The following NCKAP1 variants were observed in gnomAD, a reference collection of about 807,000 sequenced individuals.
NCKAP1 encodes nck-associated protein 1.
NCKAP1 carries 21 observed loss-of-function variants against 151.2 expected under a neutral mutation model. The ratio of observed to expected loss-of-function variants is 0.14; its 90% CI spans 0.10 to 0.20. The LOEUF is 0.20. Ranked by LOEUF, NCKAP1 falls within the 10% of genes least tolerant of loss-of-function variation. The pLI, the probability that NCKAP1 is intolerant of heterozygous loss-of-function variation, is 1.00. For missense variants in NCKAP1, 933 were observed against 1,352.1 expected (o/e 0.69, Z 4.86); for synonymous variants, 484 against 451.8 (o/e 1.07, Z -0.90).
intron 23 of NCKAP1, among the ~76,000 whole-genome samples, chr2:182,949,014 G>A (rs553733193): frequency 3.9e-5 from 6 of 152,276 alleles, no homozygotes; most frequent in South Asian, 2.1e-4. Context: ...TATTCCACAC[G>A]AGGAAGAGAA....
intron 15 of NCKAP1, among the ~76,000 whole-genome samples, chr2:182,972,224 CAA>C (rs56834438): frequency 0.11 from 7,459 of 68,238 alleles, 173 homozygotes; most frequent in African/African-American, 0.14. Context: ...AGCTTAATAG[CAA>C]AAAAAAAAAA....
At chr2:182,954,752 C>T (rs1697289659) in intron 20 of NCKAP1, among the ~76,000 whole-genome samples, 1 of 151,960 alleles carries the variant, frequency 6.6e-6, no homozygotes, top group Non-Finnish European at 1.5e-5. Flanking sequence ...TGCCACTGCA[C>T]TCCAGCCTGG....
chr2:183,001,051 C>G (rs1698364854), intron 6 of NCKAP1, among the ~76,000 whole-genome samples: 1 of 152,224 alleles, frequency 6.6e-6, no homozygotes, highest in Non-Finnish European at 1.5e-5. Context: ...TGAGATTGCA[C>G]CACTGCATTC....
chr2:182,936,004 C>A (rs2105805475), intron 24 of NCKAP1, among the ~76,000 whole-genome samples: 1 of 152,136 alleles, frequency 6.6e-6, no homozygotes, highest in African/African-American at 2.4e-5. Context: ...CATCTGTAAT[C>A]CTAGCATTCT....
intron 12 of NCKAP1, 75 bp from the exon 13 acceptor site, chr2:182,981,451 T>C: frequency 8.6e-7 from 1 of 1,163,218 alleles, no homozygotes; most frequent in Non-Finnish European, 1.2e-6. Flanking sequence ...ATGCCCTTAA[T>C]CTTATTTCTA....
rs759306742 is a variant in NCKAP1, at chr2:182,983,360, G to A, written c.1027C>T (p.Arg343Cys). ...TTCAGTGCAGATCTTAAAAACTTGCGTCTTTCTCTGTGCATTGAACCACTA... is the reference window on the plus strand; with the variant it reads ...TTCAGTGCAGATCTTAAAAACTTGCATCTTTCTCTGTGCATTGAACCACTA... ...SHAGSMHRER[R>C]KFLRSALKEL... Residue 343 changes from arginine to cysteine, a missense_variant, in exon 11 of 31, where the codon CGC becomes TGC. Around this residue, in one of 2 missense-constraint regions of NCKAP1, gnomAD observed 607 missense variants for 795.0 expected, o/e 0.76. Transcript: ENST00000361354. 13 of 1,612,354 alleles carry A rather than the reference G, an allele frequency of 8.1e-6. No homozygotes were observed. Among genetic ancestry groups the A allele is most frequent in the Admixed American group, 1.7e-5 (1 of 59,966 alleles).
intron 15 of NCKAP1, among the ~76,000 whole-genome samples, chr2:182,968,264 C>T (rs1478336793): frequency 1.3e-5 from 2 of 152,054 alleles, no homozygotes; most frequent in South Asian, 4.2e-4. Flanking sequence ...TATTAGAAGG[C>T]AGTAGTGGCA....
intron 8 of NCKAP1, 77 bp downstream of exon 8, chr2:182,994,762 G>A: frequency 8.5e-7 from 1 of 1,181,232 alleles, no homozygotes; most frequent in Non-Finnish European, 1.3e-6. Context: ...CACAGAGGTA[G>A]TAACCATGTC....
chr2:182,952,968 C>A (rs1454320701), intron 21 of NCKAP1, 45 bp from the exon 22 acceptor site: 2 of 1,569,800 alleles, frequency 1.3e-6, no homozygotes, highest in Admixed American at 1.9e-5. Context: ...CTGCTTAATT[C>A]AGAATGTATC....
At chr2:183,029,812 C>A (rs1698970660) in intron 1 of NCKAP1, among the ~76,000 whole-genome samples, 1 of 135,346 alleles carries the variant, frequency 7.4e-6, no homozygotes, top group African/African-American at 2.8e-5. Flanking sequence ...AAGAGTGAGA[C>A]CCTGACTCGA....
intron 1 of NCKAP1, among the ~76,000 whole-genome samples, chr2:183,035,180 A>T (rs1284091201): frequency 6.6e-6 from 1 of 152,112 alleles, no homozygotes; most frequent in African/African-American, 2.4e-5. Flanking sequence ...TTTTCCCTAA[A>T]ATCCGCTTTT....
rs1431150750 is a variant in NCKAP1 at position 182,915,354 on chromosome 2, T to C, written c.*10348A>G. 1.3e-5 allele frequency: 2 copies of C among 152,218 alleles called. No individual in the cohort carries two copies. The highest frequency in any genetic ancestry group is 4.8e-5 in the African/African-American group (2 of 41,436). The allele number at this position is 152,218 out of a possible 1,614,324, so 9.4% of individuals were successfully genotyped here. On this transcript the variant is annotated 3_prime_UTR_variant, in exon 31 of 31. Transcript: ENST00000361354. ...GAATAGTTGAGAGTTGAGTGATCTA[T>C]CCTTCAAACTACAGGCATGATATTC...
intron 3 of NCKAP1, 98 bp from the exon 4 acceptor site, chr2:183,003,128 A>C: frequency 7.6e-7 from 1 of 1,307,334 alleles, no homozygotes. Flanking sequence ...TCAGTTCTGG[A>C]AGAATTTCAA....
chr2:183,009,149 G>A (rs533951570), intron 2 of NCKAP1, among the ~76,000 whole-genome samples: 3 of 152,154 alleles, frequency 2.0e-5, no homozygotes, highest in South Asian at 2.1e-4. Flanking sequence ...CGAGGTGGGC[G>A]GATCACCTGA....
At chr2:183,031,222 C>CAA (rs11410653) in intron 1 of NCKAP1, among the ~76,000 whole-genome samples, 2 of 151,038 alleles carry the variant, frequency 1.3e-5, no homozygotes, top group African/African-American at 4.9e-5. Context: ...ATTAGTGATT[C>CAA]AAAAAAAAGA....
intron 23 of NCKAP1, among the ~76,000 whole-genome samples, chr2:182,944,482 C>T (rs935059028): frequency 1.8e-4 from 27 of 152,142 alleles, no homozygotes; most frequent in Middle Eastern, 3.4e-3. Flanking sequence ...GGACTCAACG[C>T]GCACAACCCC....
intron 2 of NCKAP1, among the ~76,000 whole-genome samples, chr2:183,007,441 AATTT>A: frequency 6.6e-6 from 1 of 152,322 alleles, no homozygotes; most frequent in Admixed American, 6.5e-5. Flanking sequence ...AGAAAATTGA[AATTT>A]ATTATGTATT....
At position 182,918,319 on chromosome 2, in the gene NCKAP1, T is replaced by C. The variant is rs1281062711; in HGVS notation, c.*7383A>G. 1 of 152,120 alleles carries C rather than the reference T, an allele frequency of 6.6e-6. No homozygotes were observed. Among genetic ancestry groups the C allele is most frequent in the Non-Finnish European group, 1.5e-5 (1 of 68,010 alleles). The allele number at this position is 152,120 out of a possible 1,614,324, so 9.4% of individuals were successfully genotyped here. On this transcript the variant is annotated 3_prime_UTR_variant, in exon 31 of 31. Coordinates refer to ENST00000361354, the MANE Select transcript of NCKAP1 (RefSeq NM_013436.5). ...TCAAATGCTACTGGATAGAATTTGATCCAGCAATCCTACTACTGGGTATCT... is the reference window on the plus strand; with the variant it reads ...TCAAATGCTACTGGATAGAATTTGACCCAGCAATCCTACTACTGGGTATCT...
rs573287621 is a variant in NCKAP1, at chr2:183,013,878, C to G, written c.219+9928G>C. Among the ~76,000 whole-genome samples, 3 of 152,278 alleles carry G rather than the reference C, an allele frequency of 2.0e-5. No homozygotes were observed. In the East Asian group the frequency reaches 5.8e-4, roughly 29 times the overall value. On this transcript the variant is annotated intron_variant, in intron 2 of 30. Coordinates refer to ENST00000361354, the MANE Select transcript of NCKAP1 (RefSeq NM_013436.5). ...CATGCCAGGCATGCACCCACCTGAG[C>G]CTTTGGAGCTGCGGTTCCTTCAGCA...
Sources: allele counts gnomAD v4.1 joint callset (sites outside exome capture counted in the v4.1 genomes callset), GRCh38; gene constraint gnomAD v4.1.1; regional missense constraint gnomAD v4.1.1; transcripts MANE v1.5; gene names NCBI Gene and HGNC (gene_info 2026-07-23, HGNC 2026-07-21).